The following SLC25A30 variants were observed in gnomAD, a reference collection of about 807,000 sequenced individuals.
SLC25A30 encodes kidney mitochondrial carrier protein 1.
SLC25A30 carries 29 observed loss-of-function variants against 42.7 expected under a neutral mutation model. The observed-to-expected ratio is 0.68, with a 90% CI of 0.51 to 0.93. The LOEUF (loss-of-function observed/expected upper bound fraction) is 0.93. Among genes scored for constraint, SLC25A30 ranks in the 40% least tolerant of loss-of-function variants. The pLI is 0.00. For synonymous variants in SLC25A30, 124 were observed against 131.0 expected (o/e 0.95, Z 0.37); for missense variants, 300 against 359.7 (o/e 0.83, Z 1.34).
In SLC25A30 at chr13:45,415,020, T is replaced by G. The variant is rs943466121; in HGVS notation, c.-56+3280A>C. Among the ~76,000 whole-genome samples the G allele has an allele frequency of 4.6e-5, 7 of 152,206 alleles. No homozygotes were observed. In the East Asian group the frequency reaches 1.3e-3, roughly 29 times the overall value. On this transcript the variant is annotated intron_variant, in intron 1 of 9. Coordinates refer to ENST00000519676, the MANE Select transcript of SLC25A30 (RefSeq NM_001010875.4). ...AGAAATTCCAGTGTCGGGCAGTGGC[T>G]GTAGATCACTTCTGATTTGACAGTC...
chr13:45,424,626 T>TAAATATATAG, the SLC25A30 span, among the ~76,000 whole-genome samples: 1 of 58,462 alleles, frequency 1.7e-5, no homozygotes, highest in African/African-American at 6.4e-5. Flanking sequence ...TAAATATATA[T>TAAATATATAG]AAATATGTAT....
rs182242102 is a variant in SLC25A30 at position 45,397,938 on chromosome 13, T to C, written c.754-600A>G. The C allele has an allele frequency of 9.1e-6, 9 of 985,582 alleles. No individual in the cohort carries two copies. The African/African-American group carries it at 1.6e-4, about 17-fold the overall frequency. 61.1% of individuals were successfully genotyped at this position (985,582 alleles called of 1,614,324 possible). ...ATTACGGTCTGTTGCTTCCGTGCCA[T>C]GTGGGCTCCTGAACAGGTCACAAAT... On this transcript the variant is annotated intron_variant, in intron 8 of 9. Coordinates refer to ENST00000519676, the MANE Select transcript of SLC25A30 (RefSeq NM_001010875.4).
At chr13:45,424,125 A>T in the SLC25A30 span, among the ~76,000 whole-genome samples, 1 of 100,708 alleles carries the variant, frequency 9.9e-6, no homozygotes, top group Non-Finnish European at 1.7e-5. Flanking sequence ...AAATATATAT[A>T]AATATATAAA....
At chr13:45,413,777 T>C (rs1883233926) in intron 1 of SLC25A30, among the ~76,000 whole-genome samples, 1 of 152,200 alleles carries the variant, frequency 6.6e-6, no homozygotes, top group Non-Finnish European at 1.5e-5. Context: ...GGTCTTGAAC[T>C]CCTGACCTCA....
the SLC25A30 span, among the ~76,000 whole-genome samples, chr13:45,424,706 A>G: frequency 3.4e-5 from 2 of 58,006 alleles, no homozygotes; most frequent in African/African-American, 1.2e-4. Flanking sequence ...AAGATATATA[A>G]ATACATATAT....
chr13:45,415,373 TG>T (rs906821425), intron 1 of SLC25A30, among the ~76,000 whole-genome samples: 2 of 152,004 alleles, frequency 1.3e-5, no homozygotes, highest in African/African-American at 4.8e-5. Context: ...AAAATATTGG[TG>T]GGGGGCAGGG....
the SLC25A30 span, among the ~76,000 whole-genome samples, chr13:45,429,056 CTTTTTTTTTTTTTTT>C: frequency 7.5e-5 from 7 of 93,848 alleles, no homozygotes; most frequent in Admixed American, 1.3e-4. Context: ...TGTGCAAGCT[CTTTTTTTTTTTTTTT>C]TTTTTTTTTT....
At chr13:45,424,494 T>TAAATATATAAATATATAA in the SLC25A30 span, among the ~76,000 whole-genome samples, 2 of 67,656 alleles carry the variant, frequency 3.0e-5, no homozygotes, top group African/African-American at 1.2e-4. Context: ...TATAAATATA[T>TAAATATATAAATATATAA]AAATATATAA....
the SLC25A30 span, among the ~76,000 whole-genome samples, chr13:45,427,170 C>T: frequency 2.0e-5 from 3 of 152,056 alleles, no homozygotes; most frequent in Non-Finnish European, 4.4e-5. Context: ...TCCCAAAACA[C>T]GGTGCTTTGA....
chr13:45,396,324 G>A (rs1881315866), intron 9 of SLC25A30: 1 of 706,358 alleles, frequency 1.4e-6, no homozygotes, highest in African/African-American at 3.0e-5. Flanking sequence ...GTAAGCTTTT[G>A]AGAGAGAGAG....
At chr13:45,423,833 TATATATAA>T in the SLC25A30 span, among the ~76,000 whole-genome samples, 1 of 54,308 alleles carries the variant, frequency 1.8e-5, no homozygotes, top group Non-Finnish European at 3.0e-5. Context: ...TATATATTTA[TATATATAA>T]ATATGTAAAT....
At chr13:45,415,771 A>G (rs906706492) in intron 1 of SLC25A30, among the ~76,000 whole-genome samples, 4 of 147,524 alleles carry the variant, frequency 2.7e-5, no homozygotes, top group Non-Finnish European at 6.0e-5. Flanking sequence ...AAAAAGAAAG[A>G]AAGCTGTTGG....
chr13:45,402,059 CAAA>C (rs66565783), intron 6 of SLC25A30, among the ~76,000 whole-genome samples: 31 of 83,880 alleles, frequency 3.7e-4, no homozygotes, highest in African/African-American at 1.2e-3. Context: ...GACTCCATCT[CAAA>C]AAAAAAAAAA....
chr13:45,432,438 T>A, the SLC25A30 span, among the ~76,000 whole-genome samples: 1 of 152,154 alleles, frequency 6.6e-6, no homozygotes, highest in Non-Finnish European at 1.5e-5. Flanking sequence ...TAAACATTGC[T>A]ATCATTATTA....
At chr13:45,419,081 A>C (rs1883790293), upstream of SLC25A30, among the ~76,000 whole-genome samples, 1 of 143,534 alleles carries the variant, frequency 7.0e-6, no homozygotes, top group African/African-American at 2.6e-5. Context: ...CAGTGAGCCA[A>C]GATCGCGCCA....
chr13:45,424,865 AAT>A, the SLC25A30 span, among the ~76,000 whole-genome samples: 6 of 42,622 alleles, frequency 1.4e-4, 2 homozygotes, highest in Admixed American at 8.1e-4. Flanking sequence ...TATATATAAA[AAT>A]ATATATAAAT....
intron 1 of SLC25A30, among the ~76,000 whole-genome samples, chr13:45,413,555 CTTT>C (rs71070984): frequency 5.7e-5 from 8 of 140,314 alleles, no homozygotes; most frequent in Admixed American, 7.2e-5. Context: ...GACTCCATCT[CTTT>C]TTTTTTTTTT....
rs117822400 is a variant in SLC25A30 at position 45,403,069 on chromosome 13, C to T, written c.394-699G>A. On this transcript the variant is annotated intron_variant, in intron 5 of 9. Coordinates refer to ENST00000519676, the MANE Select transcript of SLC25A30 (RefSeq NM_001010875.4). ...ACTTCTAAAAGAACTGTTATTGCCA[C>T]ACGAACGTGGGAAAATAAACCAAGA... is the stretch of plus-strand genomic sequence containing the variant. Among the ~76,000 whole-genome samples the T allele has an allele frequency of 1.3e-3, 205 of 152,300 alleles. 1 individual carries two copies. In the East Asian group the frequency reaches 0.03, roughly 23 times the overall value.
intron 1 of SLC25A30, among the ~76,000 whole-genome samples, chr13:45,412,305 A>C (rs1883103697): frequency 6.6e-6 from 1 of 151,846 alleles, no homozygotes; most frequent in African/African-American, 2.4e-5. Context: ...TTTTTTGTAG[A>C]CTGGTCTCTA....
Sources: gnomAD v4.1 joint callset for allele counts (sites outside exome capture counted in the v4.1 genomes callset) on GRCh38, gnomAD v4.1.1 for gene constraint, MANE v1.5 for transcripts, NCBI Gene and HGNC (gene_info 2026-07-23, HGNC 2026-07-21) for gene names.